The following ZNF718 variants were observed in gnomAD, a reference collection of about 807,000 sequenced individuals.
ZNF718 encodes the protein zinc finger protein 718.
In ZNF718, 3 loss-of-function variants were observed where a neutral mutation model predicts 2.6. The ratio of observed to expected loss-of-function variants is 1.16; its 90% confidence interval spans 0.53 to 3.01. ZNF718 has a LOEUF of 3.01. Ranked by LOEUF, ZNF718 falls within the 30% of genes most tolerant of loss-of-function variation. The probability of loss-of-function intolerance (pLI) is 0.03; values close to 1 mark genes in which losing one functional copy is unlikely to be tolerated. For missense variants in ZNF718, 468 were observed against 230.0 expected (o/e 2.03, Z -6.69); for synonymous variants, 135 against 77.9 (o/e 1.73, Z -3.86).
chr4:172,026 T>C (rs1161372645), intron 3 of ZNF718, among the ~76,000 whole-genome samples: 1 of 152,246 alleles, frequency 6.6e-6, no homozygotes, highest in Non-Finnish European at 1.5e-5. Flanking sequence ...TATGACATAC[T>C]TATAGCAAAA....
intron 3 of ZNF718, among the ~76,000 whole-genome samples, chr4:198,450 A>C (rs782571522): frequency 5.3e-5 from 8 of 152,186 alleles, no homozygotes; most frequent in Non-Finnish European, 7.4e-5. Flanking sequence ...AGCGCACTTC[A>C]GTGAAAAATT....
chr4:194,861 C>A (rs563091218), intron 3 of ZNF718, among the ~76,000 whole-genome samples: 4 of 152,214 alleles, frequency 2.6e-5, no homozygotes, highest in Non-Finnish European at 5.9e-5. Context: ...TAGCCATTTT[C>A]CGATGAGCAT....
chr4:148,258 A>G (rs1716155314), intron 3 of ZNF718, among the ~76,000 whole-genome samples: 1 of 151,952 alleles, frequency 6.6e-6, no homozygotes, highest in East Asian at 1.9e-4. Flanking sequence ...GCTAGGAAAA[A>G]CTGCCCCTGG....
At chr4:188,892 A>G (rs574964324) in intron 3 of ZNF718, among the ~76,000 whole-genome samples, 2 of 152,146 alleles carry the variant, frequency 1.3e-5, no homozygotes, top group African/African-American at 4.8e-5. Flanking sequence ...GGTTATGATA[A>G]CATTTTAGTA....
chr4:201,672 T>C, exon 5 of ZNF718: 1 of 184,022 alleles, frequency 5.4e-6, no homozygotes, highest in Non-Finnish European at 1.2e-5. Context: ...GGGCAATTGC[T>C]GAAGGTTTCT....
rs1553815153 is a variant in ZNF718, at chr4:161,509, G to T, written c.824G>T (p.Arg275Ile). ...TCCTCAACCCTTAATTTACATAAGA[G>T]AATTCATTCTGCACAAAAATACTAC... Reference protein sequence around the residue: ...NQSSTLNLHKRIHSAQKYYKC... With the variant: ...NQSSTLNLHKIIHSAQKYYKC... Residue 275 changes from arginine (R) to isoleucine (I), a missense_variant, in exon 4 of 4, where the codon AGA becomes ATA. Physicochemically the swap from Arg to Ile is moderately conservative, Grantham distance 97 (BLOSUM62 -3). Coordinates refer to ENST00000510175, the MANE Select transcript of ZNF718 (RefSeq NM_001039127.6). 4 of 780,632 alleles carry T rather than the reference G, an allele frequency of 5.1e-6. No individual in the cohort carries two copies. The allele number at this position is 780,632 out of a possible 1,614,324, so 48.4% of individuals were successfully genotyped here. A position where few individuals can be genotyped will look rare whatever the true frequency, so the allele number is the denominator to read the frequency against.
chr4:165,623 A>G (rs1204586596), downstream of ZNF718, among the ~76,000 whole-genome samples: 1 of 152,100 alleles, frequency 6.6e-6, no homozygotes, highest in African/African-American at 2.4e-5. Context: ...ACATGGCAAA[A>G]CCCCGTTTCT....
intron 3 of ZNF718, among the ~76,000 whole-genome samples, chr4:157,317 T>C (rs968130999): frequency 1.3e-5 from 2 of 151,994 alleles, no homozygotes; most frequent in Non-Finnish European, 2.9e-5. Flanking sequence ...TTTCTCCATG[T>C]TGGTCAGGCT....
At chr4:150,104 CATT>C (rs782499334) in intron 3 of ZNF718, 4 of 150,552 alleles carry the variant, frequency 2.7e-5, no homozygotes, top group East Asian at 3.9e-4. Context: ...TTATTAGTGT[CATT>C]AATGTCTGTT....
chr4:124,741 G>T, intron 1 of ZNF718, 68 bp downstream of exon 1: 2 of 1,591,380 alleles, frequency 1.3e-6, no homozygotes, highest in Non-Finnish European at 8.5e-7. Context: ...AAATGGCGGC[G>T]GTGGGAGGAG....
chr4:137,878 C>T (rs1449161263), intron 3 of ZNF718, among the ~76,000 whole-genome samples: 1 of 152,078 alleles, frequency 6.6e-6, no homozygotes, highest in Non-Finnish European at 1.5e-5. Flanking sequence ...TGCAAGAAAA[C>T]ATTGCCAAGA....
chr4:164,893 G>C (rs1363482879), downstream of ZNF718, among the ~76,000 whole-genome samples: 1 of 152,096 alleles, frequency 6.6e-6, no homozygotes, highest in Non-Finnish European at 1.5e-5. Context: ...TCCATAATTA[G>C]GTATAAATAT....
At chr4:195,637 G>A (rs1252765231) in intron 3 of ZNF718, among the ~76,000 whole-genome samples, 1 of 151,794 alleles carries the variant, frequency 6.6e-6, no homozygotes, top group East Asian at 1.9e-4. Context: ...TGCTCACAAT[G>A]AGGTTTCCTC....
At position 131,441 on chromosome 4, in the gene ZNF718, C is replaced by A; in HGVS notation, c.162C>A (p.Thr54=). Residue 54 remains threonine (T), a synonymous_variant, in exon 3 of 4, where the codon ACC becomes ACA. Coordinates refer to ENST00000510175, the MANE Select transcript of ZNF718 (RefSeq NM_001039127.6). ...GTATCTCTAACCCAGACCTGGTCACCAGTCTGGAGCAAAGAAAAGAGCCCT... is the reference window on the plus strand; with the variant it reads ...GTATCTCTAACCCAGACCTGGTCACAAGTCTGGAGCAAAGAAAAGAGCCCT... ...GVSISNPDLV[T]SLEQRKEPYN... is the part of the protein sequence containing the mutation. The A allele has an allele frequency of 1.9e-6, 1 of 522,088 alleles. No individual in the cohort carries two copies. 32.3% of individuals were successfully genotyped at this position (522,088 alleles called of 1,614,324 possible).
chr4:160,072 T>C (rs1306867128), intron 3 of ZNF718, among the ~76,000 whole-genome samples: 1 of 152,224 alleles, frequency 6.6e-6, no homozygotes, highest in Non-Finnish European at 1.5e-5. Flanking sequence ...GTTCCCTGTT[T>C]TTAGCACTGC....
At chr4:144,682 C>T (rs1483711530) in intron 3 of ZNF718, among the ~76,000 whole-genome samples, 4 of 152,044 alleles carry the variant, frequency 2.6e-5, no homozygotes, top group Non-Finnish European at 4.4e-5. Context: ...TAATTTCTTG[C>T]ATCGATGTTT....
chr4:160,697 G>A (rs1004703841), intron 3 of ZNF718, among the ~76,000 whole-genome samples: 1 of 152,052 alleles, frequency 6.6e-6, no homozygotes, highest in Non-Finnish European at 1.5e-5. Flanking sequence ...TTATAGGCAT[G>A]CACCATCATT....
chr4:193,431 C>T (rs1717731490), intron 3 of ZNF718, among the ~76,000 whole-genome samples: 1 of 152,162 alleles, frequency 6.6e-6, no homozygotes, highest in African/African-American at 2.4e-5. Context: ...AGCATACTTA[C>T]AGTCTGTATA....
chr4:142,867 G>A (rs552140587), intron 3 of ZNF718, among the ~76,000 whole-genome samples: 7 of 152,214 alleles, frequency 4.6e-5, no homozygotes, highest in Admixed American at 1.3e-4. Flanking sequence ...TTAATTTTAC[G>A]AGGTTTGGTT....
Sources: allele counts gnomAD v4.1 joint callset (sites outside exome capture counted in the v4.1 genomes callset), GRCh38; gene constraint gnomAD v4.1.1; transcripts MANE v1.5; gene names NCBI Gene and HGNC (gene_info 2026-07-23, HGNC 2026-07-21).